LMO3: variants seen among roughly 807,000 people sequenced by gnomAD.
LMO3 encodes the protein LIM domain only protein 3.
Under a neutral mutation model 15.8 loss-of-function variants are expected in LMO3, and 2 were observed. The observed-to-expected ratio is 0.13, with a 90% CI of 0.05 to 0.40. LMO3 has a LOEUF of 0.40. LMO3 is among the 10% of genes least tolerant of loss of function. The pLI is 0.99. For synonymous variants in LMO3, 62 were observed against 63.8 expected, an observed-to-expected ratio of 0.97 and a Z score of 0.13; for missense variants, 86 against 182.2, an observed-to-expected ratio of 0.47 and a Z score of 3.04.
chr12:16,579,927 A>G (rs931708084), intron 2 of LMO3, among the ~76,000 whole-genome samples: 2 of 152,190 alleles, frequency 1.3e-5, no homozygotes, highest in Non-Finnish European at 2.9e-5. Context: ...AGAACCAGGT[A>G]TCTGTTGGTA....
At position 16,560,486 on chromosome 12, in the gene LMO3, A is replaced by C. The variant is rs1264025250; in HGVS notation, c.259T>G (p.Phe87Val). ...CAACSKLIPA[F>V]EMVMRAKDNV... The stretch of plus-strand genomic sequence containing the variant: ...TCCTTGGCACGCATCACCATCTCAA[A>C]GGCAGGGATGAGCTTACTACAGGCA... The change falls in exon 3 of 4, where the codon TTT becomes GTT. Residue 87 changes from phenylalanine (F) to valine (V), a missense_variant. Phe to Val is a conservative substitution (Grantham distance 50). Around this residue, in one of 3 missense-constraint regions of LMO3, gnomAD observed 51 missense variants for 140.3 expected, o/e 0.36. Coordinates refer to ENST00000537304, the MANE Select transcript of LMO3 (RefSeq NM_018640.5). The surrounding 1 kb of genome is among the most constrained non-coding windows in gnomAD (Gnocchi z 5.0). 6.2e-7 allele frequency: 1 copy of C among 1,613,992 alleles called. No homozygotes were observed.
At chr12:16,605,422 G>GCCCCTAC in intron 1 of LMO3, 2 of 1,060,642 alleles carry the variant, frequency 1.9e-6, no homozygotes, top group Non-Finnish European at 2.3e-6. Context: ...AGCCACTTCT[G>GCCCCTAC]CCCCTACCCG....
chr12:16,578,154 C>T (rs1287472158), intron 2 of LMO3, among the ~76,000 whole-genome samples: 2 of 152,132 alleles, frequency 1.3e-5, no homozygotes, highest in African/African-American at 2.4e-5. Flanking sequence ...TTTCTTTAAA[C>T]TCATAGTTTC....
intron 2 of LMO3, chr12:16,594,287 C>T: frequency 1.3e-6 from 2 of 1,515,612 alleles, no homozygotes; most frequent in Non-Finnish European, 1.8e-6. Flanking sequence ...TGCCATGTGT[C>T]AGCAGAAGTA....
chr12:16,554,403 T>A (rs1942107690), intron 3 of LMO3, among the ~76,000 whole-genome samples: 1 of 152,210 alleles, frequency 6.6e-6, no homozygotes, highest in Non-Finnish European at 1.5e-5. Context: ...GTCTATACTT[T>A]CCTATTCCAC....
At chr12:16,558,759 T>C (rs1273967501) in intron 3 of LMO3, among the ~76,000 whole-genome samples, 2 of 152,174 alleles carry the variant, frequency 1.3e-5, no homozygotes, top group Non-Finnish European at 2.9e-5. Context: ...ACTATTGTGA[T>C]ACATGCCTTG....
rs977449027 is a variant in LMO3 at position 16,604,278 on chromosome 12, T to C, written c.-9+1788A>G. 6.6e-6 allele frequency among the ~76,000 whole-genome samples: 1 copy of C among 152,138 alleles called. No individual in the cohort carries two copies. Among genetic ancestry groups the C allele is most frequent in the Admixed American group, 6.5e-5 (1 of 15,286 alleles). On this transcript the variant is annotated intron_variant, in intron 1 of 3. Transcript: ENST00000537304. The surrounding 1 kb of genome is among the most constrained non-coding windows in gnomAD (Gnocchi z 5.3). ...CCTAAGGGACAACAATGCAAATAGA[T>C]GTCCCCAGATCTCAGGCACTGGAGC... is the stretch of plus-strand genomic sequence containing the variant.
intron 3 of LMO3, among the ~76,000 whole-genome samples, chr12:16,556,247 A>C (rs1367086680): frequency 6.6e-6 from 1 of 152,198 alleles, no homozygotes; most frequent in Admixed American, 6.5e-5. Context: ...ATTCACCTTT[A>C]AGAAATTAAC....
chr12:16,555,847 G>A lies in LMO3; in HGVS notation c.333-4520C>T, dbSNP rs1353883201. ...GCTCCCTCATCTTCCCCAACCCCGA[G>A]CAGACACACTTCCTGTAAGTCAACC... is the stretch of plus-strand genomic sequence containing the variant. On this transcript the variant is annotated intron_variant, in intron 3 of 3. Coordinates refer to ENST00000537304, the MANE Select transcript of LMO3 (RefSeq NM_018640.5). The surrounding 1 kb of genome is among the most constrained non-coding windows in gnomAD (Gnocchi z 5.5). Among the ~76,000 whole-genome samples, 1 of 152,058 alleles carries A rather than the reference G, an allele frequency of 6.6e-6. No individual in the cohort carries two copies. Among genetic ancestry groups the A allele is most frequent in the Non-Finnish European group, 1.5e-5 (1 of 68,024 alleles).
upstream of LMO3, chr12:16,607,495 A>G (rs1166161006): frequency 6.6e-6 from 1 of 150,382 alleles, no homozygotes; most frequent in Non-Finnish European, 1.5e-5. Flanking sequence ...TTTCCTTGGC[A>G]TCTATAAAGG....
chr12:16,585,593 A>C lies in LMO3; in HGVS notation c.206+15062T>G, dbSNP rs1943293553. On this transcript the variant is annotated intron_variant, in intron 2 of 3. Coordinates refer to ENST00000537304, the MANE Select transcript of LMO3 (RefSeq NM_018640.5). The surrounding 1 kb of genome is among the most constrained non-coding windows in gnomAD (Gnocchi z 4.7). ...TCAGCTATCTGAGCATCTCTCATGC[A>C]TCAGGCCCTATGTTCCCACCTGTAT... is the stretch of plus-strand genomic sequence containing the variant. Among the ~76,000 whole-genome samples, 1 of 152,178 alleles carries C rather than the reference A, an allele frequency of 6.6e-6. No individual in the cohort carries two copies. The highest frequency in any genetic ancestry group is 1.5e-5 in the Non-Finnish European group (1 of 68,028).
intron 2 of LMO3, chr12:16,594,081 A>G: frequency 6.7e-7 from 1 of 1,496,238 alleles, no homozygotes; most frequent in South Asian, 1.2e-5. Flanking sequence ...ATAGTTTGCA[A>G]TATTAACGAA....
rs138465841 is a variant in LMO3, at chr12:16,589,193, T to C, written c.206+11462A>G. Among the ~76,000 whole-genome samples the C allele has an allele frequency of 8.5e-5, 13 of 152,210 alleles. No homozygotes were observed. The East Asian group carries it at 1.9e-3, about 23-fold the overall frequency. ...GAAGTGACAAGAACTCATGTAACTTTTTATTTTTTAATGAAGTGATATTCA... is the reference window on the plus strand; with the variant it reads ...GAAGTGACAAGAACTCATGTAACTTCTTATTTTTTAATGAAGTGATATTCA... On this transcript the variant is annotated intron_variant, in intron 2 of 3. Transcript: ENST00000537304. The surrounding 1 kb of genome is among the most constrained non-coding windows in gnomAD (Gnocchi z 4.2).
intron 2 of LMO3, among the ~76,000 whole-genome samples, chr12:16,575,871 T>A (rs1942978355): frequency 6.6e-6 from 1 of 152,168 alleles, no homozygotes; most frequent in Admixed American, 6.5e-5. Context: ...CTACGTGACA[T>A]CCTTCTCTTC....
At chr12:16,601,333 G>C (rs776155318) in intron 1 of LMO3, among the ~76,000 whole-genome samples, 2 of 152,164 alleles carry the variant, frequency 1.3e-5, no homozygotes, top group Non-Finnish European at 2.9e-5. Context: ...ATGGTGGAAG[G>C]AGAGGGCACC....
chr12:16,601,494 G>A (rs951645823), intron 1 of LMO3, among the ~76,000 whole-genome samples: 4 of 152,060 alleles, frequency 2.6e-5, no homozygotes, highest in African/African-American at 4.8e-5. Context: ...TATTCATTGT[G>A]TTCAAATATA....
rs1942173864 is a variant in LMO3 at position 16,555,956 on chromosome 12, T to G, written c.332+4457A>C. On this transcript the variant is annotated intron_variant, in intron 3 of 3. Coordinates refer to ENST00000537304, the MANE Select transcript of LMO3 (RefSeq NM_018640.5). The surrounding 1 kb of genome is among the most constrained non-coding windows in gnomAD (Gnocchi z 5.5). ...CACTTCAAGAAGGATGGCTCTCTCT[T>G]CCCTCAGTATAGCTCTATTTAGCAT... Among the ~76,000 whole-genome samples the G allele has an allele frequency of 6.6e-6, 1 of 152,144 alleles. No individual in the cohort carries two copies. The highest frequency in any genetic ancestry group is 1.5e-5 in the Non-Finnish European group (1 of 68,024).
At chr12:16,592,536 T>C (rs550692159) in intron 2 of LMO3, among the ~76,000 whole-genome samples, 1 of 152,100 alleles carries the variant, frequency 6.6e-6, no homozygotes, top group African/African-American at 2.4e-5. Flanking sequence ...AAACTAATAC[T>C]TGCATGAAGT....
intron 2 of LMO3, among the ~76,000 whole-genome samples, chr12:16,567,798 C>T (rs1942668993): frequency 6.6e-6 from 1 of 152,010 alleles, no homozygotes; most frequent in South Asian, 2.1e-4. Context: ...CCCTCTCCTA[C>T]ACTCAGGCAA....
Sources: gnomAD v4.1 joint callset for allele counts (sites outside exome capture counted in the v4.1 genomes callset) on GRCh38, gnomAD v4.1.1 for gene constraint, gnomAD v4.1.1 regional missense constraint, Gnocchi (gnomAD v3.1) non-coding constraint, MANE v1.5 for transcripts, NCBI Gene and HGNC (gene_info 2026-07-23, HGNC 2026-07-21) for gene names.